VLDLR: variants seen among roughly 807,000 people sequenced by gnomAD.
VLDLR encodes the protein very low density lipoprotein receptor, also known as very low-density lipoprotein receptor.
Under a neutral mutation model 112.7 loss-of-function variants are expected in VLDLR, and 81 were observed. The observed-to-expected ratio is 0.72, with a 90% confidence interval of 0.60 to 0.86. The LOEUF (loss-of-function observed/expected upper bound fraction) is 0.86, where lower values mean the gene tolerates loss of function less well. Ranked by LOEUF, VLDLR falls within the 40% of genes least tolerant of loss-of-function variation. VLDLR has a pLI of 0.00. For synonymous variants in VLDLR, 436 were observed against 384.8 expected (o/e 1.13, Z -1.56); for missense variants, 1,237 against 1,099.4 (o/e 1.13, Z -1.77).
Position 2,647,447 on chromosome 9 carries a change from G to A in VLDLR, c.1704-27G>A, listed in dbSNP as rs1818124882. 5.7e-6 allele frequency: 9 copies of A among 1,592,174 alleles called. No individual in the cohort carries two copies. In the South Asian group the frequency reaches 6.6e-5, roughly 12 times the overall value. ...ACTTTATTCCTTCTAAACCACTGAG[G>A]CTTATTTCTCATTTAATTTTTCACA... On this transcript the variant is annotated intron_variant, in intron 11 of 18. Transcript: ENST00000382100.
Position 2,635,501 on chromosome 9 carries a change from G to A in VLDLR, c.131G>A (p.Arg44His), listed in dbSNP as rs760319642. The A allele has an allele frequency of 6.1e-5, 99 of 1,614,004 alleles. No individual in the cohort carries two copies. Among genetic ancestry groups the A allele is most frequent in the African/African-American group, 2.7e-5 (2 of 74,920 alleles). ...TCCCAATTCCAGTGCACAAATGGTC[G>A]CTGTATTACGCTGTTGTGGAAATGT... ...EPSQFQCTNG[R>H]CITLLWKCDG... Residue 44 changes from arginine to histidine, a missense_variant, in exon 2 of 19, where the codon CGC becomes CAC. Transcript: ENST00000382100.
rs961287138 is a variant in VLDLR, at chr9:2,658,578, G to A, written c.*4710G>A. On this transcript the variant is annotated 3_prime_UTR_variant, in exon 19 of 19. Coordinates refer to ENST00000382100, the MANE Select transcript of VLDLR (RefSeq NM_003383.5). ...AATGTAGTTAACAGCATAGACTTCC[G>A]TGTCTTGTGTGTGGTACCTTGGGCA... 1 of 152,176 alleles carries A rather than the reference G, an allele frequency of 6.6e-6. No individual in the cohort carries two copies. The highest frequency in any genetic ancestry group is 1.5e-5 in the Non-Finnish European group (1 of 68,032). 9.4% of individuals were successfully genotyped at this position (152,176 alleles called of 1,614,324 possible). A position where few individuals can be genotyped will look rare whatever the true frequency, so the allele number is the denominator to read the frequency against.
At chr9:2,628,050 C>A (rs145485485) in intron 1 of VLDLR, among the ~76,000 whole-genome samples, 1 of 152,110 alleles carries the variant, frequency 6.6e-6, no homozygotes, top group East Asian at 1.9e-4. Flanking sequence ...TAGTTCAGAC[C>A]AGCTTTATTA....
intron 1 of VLDLR, among the ~76,000 whole-genome samples, chr9:2,624,674 G>C (rs1329102410): frequency 6.6e-6 from 1 of 152,218 alleles, no homozygotes; most frequent in Non-Finnish European, 1.5e-5. Context: ...AAGTGGGTTG[G>C]TGGTACTGGT....
At position 2,652,179 on chromosome 9, in the gene VLDLR, G is replaced by A. The variant is rs138549812; in HGVS notation, c.2416+225G>A. Reference sequence around the variant, plus strand: ...TAACTGGCAATGATAAGTGTTCAACGGTTAATGCTTTCTACTTCCGCACTG... The same window carrying A: ...TAACTGGCAATGATAAGTGTTCAACAGTTAATGCTTTCTACTTCCGCACTG... On this transcript the variant is annotated intron_variant, in intron 17 of 18. Transcript: ENST00000382100. 1.6e-3 allele frequency among the ~76,000 whole-genome samples: 249 copies of A among 152,264 alleles called. 2 individuals carry two copies. The highest frequency in any genetic ancestry group is 5.5e-3 in the African/African-American group (229 of 41,556).
In VLDLR at chr9:2,650,499, A is replaced by G; in HGVS notation, c.2234A>G (p.Asn745Ser). 1 of 1,613,912 alleles carries G rather than the reference A, an allele frequency of 6.2e-7. No homozygotes were observed. Among genetic ancestry groups the G allele is most frequent in the Non-Finnish European group, 8.5e-7 (1 of 1,180,006 alleles). The change falls in exon 15 of 19, where the codon AAT becomes AGT. Residue 745 changes from asparagine (N) to serine (S), a missense_variant. Coordinates refer to ENST00000382100, the MANE Select transcript of VLDLR (RefSeq NM_003383.5). ...SCPSGYNVEE[N>S]GRDCQSTATT... The stretch of plus-strand genomic sequence containing the variant: ...CCCAGTGGGTACAATGTAGAGGAAA[A>G]TGGCCGAGACTGTCAAAGTAAGGCA...
At chr9:2,635,631 G>A in intron 2 of VLDLR, 59 bp downstream of exon 2, 2 of 1,609,724 alleles carry the variant, frequency 1.2e-6, no homozygotes, top group Non-Finnish European at 1.7e-6. Context: ...ATCTTAGTCT[G>A]CAAATGTATT....
chr9:2,626,636 GC>G (rs1294546702), intron 1 of VLDLR, among the ~76,000 whole-genome samples: 1 of 152,184 alleles, frequency 6.6e-6, no homozygotes, highest in Non-Finnish European at 1.5e-5. Context: ...GTTTAGAGAT[GC>G]TGGAAACTAT....
At chr9:2,648,446 A>G in intron 13 of VLDLR, 99 bp downstream of exon 13, 3 of 1,584,704 alleles carry the variant, frequency 1.9e-6, no homozygotes, top group Admixed American at 1.7e-5. Flanking sequence ...GCAGCTGAAC[A>G]TGGCTTGAGA....
At chr9:2,641,960 C>G (rs549899988) in intron 4 of VLDLR, among the ~76,000 whole-genome samples, 1 of 146,498 alleles carries the variant, frequency 6.8e-6, no homozygotes, top group South Asian at 2.1e-4. Flanking sequence ...TCTGGCATAA[C>G]TTTCCCAGAA....
In VLDLR at chr9:2,655,147, T is replaced by C. The variant is rs910152512; in HGVS notation, c.*1279T>C. ...TAAACTAAAGCTTAAAAACCACCGT[T>C]TTACTGTGACTTCATGAAGAATATA... On this transcript the variant is annotated 3_prime_UTR_variant, in exon 19 of 19. Transcript: ENST00000382100. 1.3e-5 allele frequency: 2 copies of C among 152,224 alleles called. No homozygotes were observed. The highest frequency in any genetic ancestry group is 4.8e-5 in the African/African-American group (2 of 41,462). The allele number at this position is 152,224 out of a possible 1,614,324, so 9.4% of individuals were successfully genotyped here. A position where few individuals can be genotyped will look rare whatever the true frequency, so the allele number is the denominator to read the frequency against.
intron 13 of VLDLR, 26 bp downstream of exon 13, chr9:2,648,373 T>A (rs899513548): frequency 1.2e-6 from 2 of 1,613,710 alleles, no homozygotes; most frequent in Non-Finnish European, 8.5e-7. Context: ...CATCAAAGTG[T>A]GTACCTTTGA....
In VLDLR at chr9:2,654,177, T is replaced by G. The variant is rs938720343; in HGVS notation, c.*309T>G. 19 of 411,740 alleles carry G rather than the reference T, an allele frequency of 4.6e-5. No individual in the cohort carries two copies. The highest frequency in any genetic ancestry group is 4.1e-4 in the South Asian group (19 of 46,414). The allele number at this position is 411,740 out of a possible 1,614,324, so 25.5% of individuals were successfully genotyped here. On this transcript the variant is annotated 3_prime_UTR_variant, in exon 19 of 19. Coordinates refer to ENST00000382100, the MANE Select transcript of VLDLR (RefSeq NM_003383.5). Reference sequence around the variant, plus strand: ...AGCCATATTCCAGCAGTGAAACTTGTGCTATAGTGTATACCACCTGTACAT... The same window carrying G: ...AGCCATATTCCAGCAGTGAAACTTGGGCTATAGTGTATACCACCTGTACAT...
intron 1 of VLDLR, among the ~76,000 whole-genome samples, chr9:2,633,743 T>C (rs1028627221): frequency 2.6e-5 from 4 of 152,102 alleles, no homozygotes; most frequent in African/African-American, 9.7e-5. Flanking sequence ...CAAGGTAGAG[T>C]CTTACCACTT....
Position 2,622,111 on chromosome 9 carries a change from T to G in VLDLR, c.-79T>G. 3 of 1,302,762 alleles carry G rather than the reference T, an allele frequency of 2.3e-6. No homozygotes were observed. Among genetic ancestry groups the G allele is most frequent in the Non-Finnish European group, 2.0e-6 (2 of 985,612 alleles). The allele number at this position is 1,302,762 out of a possible 1,614,324, so 80.7% of individuals were successfully genotyped here. On this transcript the variant is annotated 5_prime_UTR_variant, in exon 1 of 19. Coordinates refer to ENST00000382100, the MANE Select transcript of VLDLR (RefSeq NM_003383.5). ...CTCCCCGCCCCCACCTTCTTCCTCCTTTCGGAAGGACTGGTAACTTGTCGT... is the reference window on the plus strand; with the variant it reads ...CTCCCCGCCCCCACCTTCTTCCTCCGTTCGGAAGGACTGGTAACTTGTCGT...
At chr9:2,646,299 A>C (rs775355537) in intron 10 of VLDLR, 35 bp from the exon 11 acceptor site, 1 of 1,608,244 alleles carries the variant, frequency 6.2e-7, no homozygotes, top group South Asian at 1.1e-5. Context: ...AATTGTGTCA[A>C]ACTCTTAAAT....
At chr9:2,637,677 C>T (rs1357837714) in intron 2 of VLDLR, among the ~76,000 whole-genome samples, 3 of 152,218 alleles carry the variant, frequency 2.0e-5, no homozygotes, top group Non-Finnish European at 2.9e-5. Flanking sequence ...TGCGGTGGCT[C>T]ACGCCTATAA....
Position 2,644,999 on chromosome 9 carries a change from G to C in VLDLR, c.1229G>C (p.Cys410Ser), listed in dbSNP as rs1297444892. The C allele has an allele frequency of 6.2e-7, 1 of 1,614,180 alleles. No individual in the cohort carries two copies. The highest frequency in any genetic ancestry group is 1.1e-5 in the South Asian group (1 of 91,086). The change falls in exon 9 of 19, where the codon TGT becomes TCT. Residue 410 changes from cysteine (C) to serine (S), a missense_variant. Coordinates refer to ENST00000382100, the MANE Select transcript of VLDLR (RefSeq NM_003383.5). ...AATCCAGGAATCTGCAGTCAAATTT[G>C]TATCAACTTAAAAGGCGGTTACAAG... ...CQNPGICSQI[C>S]INLKGGYKCE... is the part of the protein sequence containing the mutation.
chr9:2,637,502 C>T (rs894295856), intron 2 of VLDLR, among the ~76,000 whole-genome samples: 25 of 152,342 alleles, frequency 1.6e-4, no homozygotes, highest in Admixed American at 9.1e-4. Context: ...AGGCCCAGTT[C>T]ACATATCCTT....
Sources: gnomAD v4.1 joint callset for allele counts (sites outside exome capture counted in the v4.1 genomes callset) on GRCh38, gnomAD v4.1.1 for gene constraint, MANE v1.5 for transcripts, NCBI Gene and HGNC (gene_info 2026-07-23, HGNC 2026-07-21) for gene names.